The following VIPAS39 variants were observed in gnomAD, a reference collection of about 807,000 sequenced individuals.
VIPAS39 encodes VPS33B interacting protein, apical-basolateral polarity regulator, spe-39 homolog.
A neutral mutation model predicts 84.7 loss-of-function variants in VIPAS39; 63 were observed. The ratio of observed to expected loss-of-function variants is 0.74; its 90% CI spans 0.61 to 0.92. The LOEUF is 0.92. Among genes scored for constraint, VIPAS39 ranks in the 40% least tolerant of loss-of-function variants. The pLI is 0.00. For synonymous variants in VIPAS39, 192 were observed against 216.5 expected, an observed-to-expected ratio of 0.89 and a Z score of 0.99; for missense variants, 499 against 604.5, an observed-to-expected ratio of 0.83 and a Z score of 1.83.
In VIPAS39 at chr14:77,429,785, G is replaced by C. The variant is rs1275234231; in HGVS notation, c.1180-18C>G. On this transcript the variant is annotated intron_variant, in intron 16 of 19. Coordinates refer to ENST00000557658, the MANE Select transcript of VIPAS39 (RefSeq NM_001193315.2). ...AGCCAGTTCTGAAAGAGGAAGATGG[G>C]GTAGCGGCAGGTAGGCCAGGCACAC... 1 of 1,606,404 alleles carries C rather than the reference G, an allele frequency of 6.2e-7. No homozygotes were observed.
intron 12 of VIPAS39, 55 bp downstream of exon 12, chr14:77,437,753 C>T: frequency 6.4e-7 from 1 of 1,569,038 alleles, no homozygotes; most frequent in Non-Finnish European, 8.8e-7. Context: ...TAATTTTCTT[C>T]ATTCCTTCTG....
chr14:77,452,123 C>T (rs930960735), intron 3 of VIPAS39, among the ~76,000 whole-genome samples: 1 of 151,956 alleles, frequency 6.6e-6, no homozygotes, highest in Non-Finnish European at 1.5e-5. Flanking sequence ...TAATACTATG[C>T]TGCTATTTAA....
At chr14:77,448,890 G>T (rs1029674823) in intron 6 of VIPAS39, among the ~76,000 whole-genome samples, 2 of 152,190 alleles carry the variant, frequency 1.3e-5, no homozygotes, top group Non-Finnish European at 2.9e-5. Context: ...CAGAAGGAAA[G>T]AGAGAGATGT....
chr14:77,429,351 TCTAG>T (rs1307903054), intron 17 of VIPAS39, among the ~76,000 whole-genome samples: 1 of 152,220 alleles, frequency 6.6e-6, no homozygotes, highest in Admixed American at 6.5e-5. Flanking sequence ...CAATGAGTGC[TCTAG>T]CTGTGATCCA....
chr14:77,431,621 G>A (rs983179871), intron 16 of VIPAS39, among the ~76,000 whole-genome samples: 11 of 152,032 alleles, frequency 7.2e-5, no homozygotes, highest in Non-Finnish European at 1.3e-4. Flanking sequence ...AGTGAGCTAC[G>A]GTCATGCCAC....
chr14:77,434,063 C>T lies in VIPAS39; in HGVS notation c.1090-132G>A. 3.2e-6 allele frequency: 4 copies of T among 1,239,992 alleles called. No individual in the cohort carries two copies. In the Admixed American group the frequency reaches 5.8e-5, roughly 18 times the overall value. The allele number at this position is 1,239,992 out of a possible 1,614,324, so 76.8% of individuals were successfully genotyped here. A position where few individuals can be genotyped will look rare whatever the true frequency, so the allele number is the denominator to read the frequency against. On this transcript the variant is annotated intron_variant, in intron 15 of 19. Coordinates refer to ENST00000557658, the MANE Select transcript of VIPAS39 (RefSeq NM_001193315.2). ...CTGCCCCTTAAAAATCAAAAAATTT[C>T]TCAGTTCAAGAACTTCTTAATTCCC...
intron 3 of VIPAS39, among the ~76,000 whole-genome samples, chr14:77,452,002 C>T (rs1346111137): frequency 6.6e-6 from 1 of 152,082 alleles, no homozygotes; most frequent in East Asian, 1.9e-4. Flanking sequence ...TTCATTTATG[C>T]ATCTATGGTC....
At chr14:77,441,962 A>G (rs1236499761) in intron 10 of VIPAS39, among the ~76,000 whole-genome samples, 1 of 152,138 alleles carries the variant, frequency 6.6e-6, no homozygotes, top group African/African-American at 2.4e-5. Flanking sequence ...AGACATGCCT[A>G]CCTCTCACCT....
At chr14:77,429,418 A>G (rs1202931182) in intron 17 of VIPAS39, among the ~76,000 whole-genome samples, 3 of 151,276 alleles carry the variant, frequency 2.0e-5, no homozygotes, top group Non-Finnish European at 4.4e-5. Flanking sequence ...CTCCTTTTCT[A>G]TCATTTGAAC....
chr14:77,457,257 G>A, intron 1 of VIPAS39: 1 of 1,534,828 alleles, frequency 6.5e-7, no homozygotes, highest in Non-Finnish European at 8.7e-7. Flanking sequence ...CGGATCCCTG[G>A]CAGAGTTAAA....
intron 8 of VIPAS39, 28 bp from the exon 9 acceptor site, chr14:77,443,180 C>T (rs748768250): frequency 8.7e-6 from 14 of 1,614,040 alleles, no homozygotes; most frequent in Admixed American, 1.7e-5. Flanking sequence ...AAAGACTGTG[C>T]AAACTTTCCA....
At chr14:77,453,513 T>C (rs1378064891) in intron 2 of VIPAS39, 112 bp from the exon 3 acceptor site, 3 of 987,864 alleles carry the variant, frequency 3.0e-6, no homozygotes, top group Admixed American at 3.4e-5. Context: ...ACACTCGCCC[T>C]GTGCAATCGA....
chr14:77,443,022 T>C, intron 9 of VIPAS39, 97 bp downstream of exon 9: 1 of 1,530,568 alleles, frequency 6.5e-7, no homozygotes, highest in Non-Finnish European at 9.0e-7. Context: ...TGAAATAGAC[T>C]TGACTAATGA....
chr14:77,444,223 A>G, intron 8 of VIPAS39, 26 bp downstream of exon 8: 1 of 1,604,780 alleles, frequency 6.2e-7, no homozygotes, highest in Non-Finnish European at 8.5e-7. Flanking sequence ...ATAATTAAAC[A>G]AACAACAACA....
chr14:77,429,727 A>G lies in VIPAS39; in HGVS notation c.1220T>C (p.Phe407Ser). The change falls in exon 17 of 20, where the codon TTC (phenylalanine) becomes TCC (serine). Residue 407 changes from phenylalanine to serine, a missense_variant. Physicochemically the swap from Phe to Ser is radical, Grantham distance 155 (BLOSUM62 -2). Transcript: ENST00000557658. ...GTGCAAAATTTCGACAACCCGATGGAAGCCAATGGGTGCTCTCTTCTTGGT... is the reference window on the plus strand; with the variant it reads ...GTGCAAAATTTCGACAACCCGATGGGAGCCAATGGGTGCTCTCTTCTTGGT... ...GYTKKRAPIG[F>S]HRVVEILHKN... The G allele has an allele frequency of 6.2e-7, 1 of 1,614,202 alleles. No homozygotes were observed. The highest frequency in any genetic ancestry group is 2.2e-5 in the East Asian group (1 of 44,890).
chr14:77,439,750 C>T (rs2139804295), intron 11 of VIPAS39, among the ~76,000 whole-genome samples: 1 of 151,380 alleles, frequency 6.6e-6, no homozygotes, highest in South Asian at 2.1e-4. Flanking sequence ...CACCACTGTA[C>T]TCCAGCCTGT....
At position 77,433,912 on chromosome 14, in the gene VIPAS39, A is replaced by G. The variant is rs1014430582; in HGVS notation, c.1109T>C (p.Val370Ala). ...GGCACGAGCAGCCAGGGCTGTCAGC[A>G]CATACTGTTTATCTGGGATCTGGAA... ...KTFKIPDKQY[V>A]LTALAARAKL... The change falls in exon 16 of 20, where the codon GTG becomes GCG. Residue 370 changes from valine (V) to alanine (A), a missense_variant. Physicochemically the swap from Val to Ala is moderately conservative, Grantham distance 64. Coordinates refer to ENST00000557658, the MANE Select transcript of VIPAS39 (RefSeq NM_001193315.2). 6.2e-7 allele frequency: 1 copy of G among 1,613,986 alleles called. No individual in the cohort carries two copies. Among genetic ancestry groups the G allele is most frequent in the African/African-American group, 1.3e-5 (1 of 74,936 alleles).
intron 13 of VIPAS39, 83 bp downstream of exon 13, chr14:77,435,761 T>G: frequency 6.9e-7 from 1 of 1,445,068 alleles, no homozygotes; most frequent in Non-Finnish European, 9.7e-7. Flanking sequence ...ATGACCCACG[T>G]GCAGAGCATA....
chr14:77,435,605 G>A (rs2078598029), intron 13 of VIPAS39, among the ~76,000 whole-genome samples: 1 of 152,136 alleles, frequency 6.6e-6, no homozygotes, highest in Non-Finnish European at 1.5e-5. Context: ...ACAAATAGAA[G>A]TGGGGAGGAC....
Sources: allele counts gnomAD v4.1 joint callset (sites outside exome capture counted in the v4.1 genomes callset), GRCh38; gene constraint gnomAD v4.1.1; transcripts MANE v1.5; gene names NCBI Gene and HGNC (gene_info 2026-07-23, HGNC 2026-07-21).